Variants in SPATA6 observed in about 807,000 individuals in gnomAD.
The protein encoded by SPATA6 is spermatogenesis associated 6.
SPATA6 carries 56 observed loss-of-function variants against 65.3 expected under a neutral mutation model. The ratio of observed to expected loss-of-function variants is 0.86; its 90% CI spans 0.69 to 1.07. The LOEUF is 1.07. SPATA6 is among the 50% of genes least tolerant of loss of function. The pLI is 0.00. For synonymous variants in SPATA6, 199 were observed against 213.2 expected, an observed-to-expected ratio of 0.93 and a Z score of 0.58; for missense variants, 590 against 594.8, an observed-to-expected ratio of 0.99 and a Z score of 0.08.
At chr1:48,362,673 A>AAAGG (rs2148824436) in intron 9 of SPATA6, among the ~76,000 whole-genome samples, 1 of 482 alleles carries the variant, frequency 2.1e-3, no homozygotes, top group Non-Finnish European at 5.8e-3. Context: ...AAAGAAATTC[A>AAAGG]AAGGAAAGAC....
chr1:48,347,390 C>A (rs1340195000), intron 11 of SPATA6, among the ~76,000 whole-genome samples: 4 of 149,628 alleles, frequency 2.7e-5, no homozygotes, highest in African/African-American at 9.8e-5. Flanking sequence ...CCATTCACTA[C>A]ATAGGTACGG....
intron 3 of SPATA6, among the ~76,000 whole-genome samples, chr1:48,429,231 A>G (rs1033863505): frequency 6.6e-5 from 10 of 151,928 alleles, no homozygotes; most frequent in African/African-American, 2.2e-4. Flanking sequence ...ATGTTGTTGC[A>G]CCTCACCCCA....
intron 11 of SPATA6, among the ~76,000 whole-genome samples, chr1:48,306,980 G>T (rs1190565028): frequency 6.6e-6 from 1 of 151,470 alleles, no homozygotes; most frequent in Non-Finnish European, 1.5e-5. Flanking sequence ...TGCTTTAATG[G>T]TATATATTTG....
intron 1 of SPATA6, among the ~76,000 whole-genome samples, chr1:48,460,219 G>A (rs1370188887): frequency 6.6e-6 from 1 of 151,996 alleles, no homozygotes; most frequent in East Asian, 1.9e-4. Context: ...TCCCACCGCA[G>A]CCTCACAAAG....
At chr1:48,444,798 G>GC (rs1655858587) in intron 3 of SPATA6, among the ~76,000 whole-genome samples, 1 of 152,168 alleles carries the variant, frequency 6.6e-6, no homozygotes. Context: ...AAGGTCTGCA[G>GC]CTTCATTCTT....
chr1:48,290,656 A>T (rs1228429803), downstream of SPATA6, among the ~76,000 whole-genome samples: 2 of 152,024 alleles, frequency 1.3e-5, no homozygotes, highest in Non-Finnish European at 2.9e-5. Flanking sequence ...AGGAAGATCA[A>T]CCAAGCAAAT....
rs561107993 is a variant in SPATA6 at position 48,317,209 on chromosome 1, T to C, written c.1195-11331A>G. Reference sequence around the variant, plus strand: ...ACCCAAAGGATTATAAATCATGCTGTGATAAAGACACATGCACACATATGT... The same window carrying C: ...ACCCAAAGGATTATAAATCATGCTGCGATAAAGACACATGCACACATATGT... On this transcript the variant is annotated intron_variant, in intron 11 of 12. Coordinates refer to ENST00000371847, the MANE Select transcript of SPATA6 (RefSeq NM_019073.4). Among the ~76,000 whole-genome samples, 16 of 152,230 alleles carry C rather than the reference T, an allele frequency of 1.1e-4. No homozygotes were observed. The South Asian group carries it at 2.7e-3, about 26-fold the overall frequency.
In SPATA6 at chr1:48,313,725, T is replaced by C. The variant is rs956280603; in HGVS notation, c.1195-7847A>G. On this transcript the variant is annotated intron_variant, in intron 11 of 12. Transcript: ENST00000371847. ...ACATTAAATGTAAATGGGCTAAATA[T>C]TCCAATTAAAAGACACAGACTGGCA... Among the ~76,000 whole-genome samples, 14 of 151,962 alleles carry C rather than the reference T, an allele frequency of 9.2e-5. No homozygotes were observed. The East Asian group carries it at 9.6e-4, about 10-fold the overall frequency.
At chr1:48,441,977 T>C (rs1166558225) in intron 3 of SPATA6, among the ~76,000 whole-genome samples, 1 of 152,190 alleles carries the variant, frequency 6.6e-6, no homozygotes, top group Non-Finnish European at 1.5e-5. Context: ...CCCTCAACCC[T>C]GCTACTTTTC....
intron 11 of SPATA6, among the ~76,000 whole-genome samples, chr1:48,314,490 C>T (rs1256396397): frequency 6.6e-6 from 1 of 152,058 alleles, no homozygotes; most frequent in East Asian, 1.9e-4. Context: ...TCTTTGAAAC[C>T]AATAAGAACA....
intron 7 of SPATA6, among the ~76,000 whole-genome samples, chr1:48,398,526 A>G (rs1650824118): frequency 6.6e-6 from 1 of 151,772 alleles, no homozygotes; most frequent in South Asian, 2.1e-4. Context: ...GATATCCCAA[A>G]AAGTTATTTT....
chr1:48,371,778 A>G (rs1344693754), intron 9 of SPATA6, among the ~76,000 whole-genome samples: 2 of 152,192 alleles, frequency 1.3e-5, no homozygotes, highest in Non-Finnish European at 2.9e-5. Context: ...TTAGACTTAC[A>G]GTTCCATATA....
Position 48,296,164 on chromosome 1 carries a change from A to T in SPATA6, c.*2549T>A, listed in dbSNP as rs1044194237. On this transcript the variant is annotated 3_prime_UTR_variant, in exon 13 of 13. Coordinates refer to ENST00000371847, the MANE Select transcript of SPATA6 (RefSeq NM_019073.4). ...AGATTTGTGGGAAATACAGGAAAAA[A>T]AAAAGGCTAAGAGAATAAACAACTG... 1.3e-5 allele frequency: 2 copies of T among 152,036 alleles called. No homozygotes were observed. Among genetic ancestry groups the T allele is most frequent in the African/African-American group, 4.8e-5 (2 of 41,454 alleles). 9.4% of individuals were successfully genotyped at this position (152,036 alleles called of 1,614,324 possible).
At position 48,318,729 on chromosome 1, in the gene SPATA6, A is replaced by G. The variant is rs965623098; in HGVS notation, c.1195-12851T>C. On this transcript the variant is annotated intron_variant, in intron 11 of 12. Coordinates refer to ENST00000371847, the MANE Select transcript of SPATA6 (RefSeq NM_019073.4). ...GATCTAGAGAGCTAACACAATTCCT[A>G]TACAATTCCGGCCACAGTTTTCTTG... Among the ~76,000 whole-genome samples, 9 of 152,162 alleles carry G rather than the reference A, an allele frequency of 5.9e-5. No homozygotes were observed. In the East Asian group the frequency reaches 1.3e-3, roughly 23 times the overall value.
intron 8 of SPATA6, among the ~76,000 whole-genome samples, chr1:48,389,668 T>G (rs939816398): frequency 6.6e-6 from 1 of 152,092 alleles, no homozygotes; most frequent in Non-Finnish European, 1.5e-5. Flanking sequence ...ACACTCACTA[T>G]TAATATATCC....
chr1:48,405,266 G>A (rs914907823), intron 5 of SPATA6, among the ~76,000 whole-genome samples: 2 of 152,142 alleles, frequency 1.3e-5, no homozygotes, highest in Non-Finnish European at 2.9e-5. Flanking sequence ...TCTTCATAGT[G>A]ATATCTGTGA....
chr1:48,464,163 T>C (rs1470203375), intron 1 of SPATA6, among the ~76,000 whole-genome samples: 1 of 152,118 alleles, frequency 6.6e-6, no homozygotes, highest in Admixed American at 6.6e-5. Flanking sequence ...TGGCCCATTA[T>C]CAGCGATTTC....
At chr1:48,447,459 C>G (rs1656165117) in intron 3 of SPATA6, among the ~76,000 whole-genome samples, 1 of 152,158 alleles carries the variant, frequency 6.6e-6, no homozygotes, top group African/African-American at 2.4e-5. Flanking sequence ...ATGGAGCTTG[C>G]AGTGAGCCAA....
chr1:48,325,575 C>A (rs1645733882), intron 11 of SPATA6: 1 of 961,790 alleles, frequency 1.0e-6, no homozygotes, highest in East Asian at 2.5e-5. Flanking sequence ...AGATTTCCCT[C>A]CTCAATGGTA....
Sources: gnomAD v4.1 joint callset for allele counts (sites outside exome capture counted in the v4.1 genomes callset) on GRCh38, gnomAD v4.1.1 for gene constraint, MANE v1.5 for transcripts, NCBI Gene and HGNC (gene_info 2026-07-23, HGNC 2026-07-21) for gene names.